The following SLC14A2 variants were observed in gnomAD, a reference collection of about 807,000 sequenced individuals.
SLC14A2 encodes the protein urea transporter 2.
SLC14A2 carries 91 observed loss-of-function variants against 104.6 expected under a neutral mutation model. That is an observed-to-expected ratio of 0.87 (90% CI 0.73 to 1.04). The LOEUF is 1.04. Among genes scored for constraint, SLC14A2 ranks in the 50% least tolerant of loss-of-function variants. SLC14A2 has a pLI of 0.00. For synonymous variants in SLC14A2, 476 were observed against 466.4 expected (o/e 1.02, Z -0.27); for missense variants, 1,189 against 1,156.0 (o/e 1.03, Z -0.41).
At chr18:45,225,545 G>T (rs1457598209) in intron 1 of SLC14A2, among the ~76,000 whole-genome samples, 14 of 152,110 alleles carry the variant, frequency 9.2e-5, no homozygotes, top group Non-Finnish European at 5.9e-5. Context: ...ATTGGTAGCT[G>T]GATGGGGATG....
chr18:45,518,776 A>C (rs1408463101), intron 2 of SLC14A2, among the ~76,000 whole-genome samples: 1 of 152,246 alleles, frequency 6.6e-6, no homozygotes, highest in Non-Finnish European at 1.5e-5. Context: ...TTAGAAAAAA[A>C]GAGCAGGAGG....
chr18:45,251,132 C>G (rs776285520), intron 1 of SLC14A2, among the ~76,000 whole-genome samples: 3 of 152,162 alleles, frequency 2.0e-5, no homozygotes. Flanking sequence ...ATCACCCAAG[C>G]AGTATACACT....
At chr18:45,413,974 G>A (rs1034441908) in intron 1 of SLC14A2, among the ~76,000 whole-genome samples, 1 of 152,048 alleles carries the variant, frequency 6.6e-6, no homozygotes, top group African/African-American at 2.4e-5. Context: ...AAAATCACGT[G>A]GAGGTCTATA....
chr18:45,334,492 G>T (rs1332019859), intron 1 of SLC14A2, among the ~76,000 whole-genome samples: 1 of 152,094 alleles, frequency 6.6e-6, no homozygotes, highest in East Asian at 1.9e-4. Context: ...ACCACCTGAA[G>T]AATAAGAAAG....
chr18:45,649,640 A>G (rs1318066277), intron 10 of SLC14A2, among the ~76,000 whole-genome samples: 2 of 152,232 alleles, frequency 1.3e-5, no homozygotes, highest in African/African-American at 4.8e-5. Flanking sequence ...GTAATATATG[A>G]GAGAATATGG....
At chr18:45,630,103 T>G (rs1415860311) in intron 4 of SLC14A2, among the ~76,000 whole-genome samples, 3 of 152,220 alleles carry the variant, frequency 2.0e-5, no homozygotes, top group African/African-American at 7.2e-5. Context: ...TTAATTTTTT[T>G]GATTCTTCTT....
intron 1 of SLC14A2, among the ~76,000 whole-genome samples, chr18:45,340,577 CA>C (rs1158460104): frequency 2.0e-5 from 3 of 152,170 alleles, no homozygotes; most frequent in African/African-American, 7.2e-5. Context: ...GTAAGTAATT[CA>C]AGGTATATTT....
chr18:45,540,925 T>A (rs1438879598), intron 2 of SLC14A2, among the ~76,000 whole-genome samples: 1 of 152,024 alleles, frequency 6.6e-6, no homozygotes, highest in Admixed American at 6.6e-5. Flanking sequence ...TCCATTGGGT[T>A]CCAACTCAGA....
the SLC14A2 span, among the ~76,000 whole-genome samples, chr18:45,206,752 G>A: frequency 6.6e-6 from 1 of 152,140 alleles, no homozygotes; most frequent in African/African-American, 2.4e-5. Flanking sequence ...CTGCAACTCA[G>A]GCCTCTGGAC....
chr18:45,365,982 A>G (rs2085661711), intron 1 of SLC14A2, among the ~76,000 whole-genome samples: 1 of 151,118 alleles, frequency 6.6e-6, no homozygotes, highest in Non-Finnish European at 1.5e-5. Flanking sequence ...ACCCAAGCAA[A>G]GCAAAAGGAC....
At chr18:45,212,691 C>T (rs2083971679), upstream of SLC14A2, among the ~76,000 whole-genome samples, 1 of 152,172 alleles carries the variant, frequency 6.6e-6, no homozygotes, top group African/African-American at 2.4e-5. Context: ...ACACTCACAA[C>T]CGCATAGGTA....
intron 1 of SLC14A2, among the ~76,000 whole-genome samples, chr18:45,285,481 A>G (rs2084804126): frequency 6.6e-6 from 1 of 152,060 alleles, no homozygotes. Context: ...GCAGTGGTGC[A>G]ATCTCGGCTC....
At chr18:45,182,906 A>G in the SLC14A2 span, among the ~76,000 whole-genome samples, 1 of 152,238 alleles carries the variant, frequency 6.6e-6, no homozygotes, top group Admixed American at 6.5e-5. Flanking sequence ...ATCTGGAAGA[A>G]TAAAGGCTAC....
intron 2 of SLC14A2, chr18:45,549,906 CAA>C (rs1568272093): frequency 6.6e-6 from 1 of 151,776 alleles, no homozygotes; most frequent in African/African-American, 2.4e-5. Flanking sequence ...AAAAATTGAC[CAA>C]AGTCATGAAG....
intron 1 of SLC14A2, among the ~76,000 whole-genome samples, chr18:45,261,904 A>C (rs994959602): frequency 6.6e-6 from 1 of 152,172 alleles, no homozygotes; most frequent in South Asian, 2.1e-4. Context: ...ATGATTTATA[A>C]TCCTTTGGGT....
chr18:45,489,751 C>A (rs1031486781), intron 2 of SLC14A2, among the ~76,000 whole-genome samples: 1 of 152,102 alleles, frequency 6.6e-6, no homozygotes, highest in Non-Finnish European at 1.5e-5. Context: ...GGAAGTTTGA[C>A]AGAAAGGAGT....
At chr18:45,339,541 T>C (rs1040752179) in intron 1 of SLC14A2, among the ~76,000 whole-genome samples, 8 of 152,248 alleles carry the variant, frequency 5.3e-5, no homozygotes, top group Non-Finnish European at 8.8e-5. Flanking sequence ...CTCTAGGGTA[T>C]AGATTAAAAT....
intron 1 of SLC14A2, among the ~76,000 whole-genome samples, chr18:45,347,527 G>T (rs560001208): frequency 1.1e-4 from 16 of 152,226 alleles, no homozygotes; most frequent in South Asian, 6.2e-4. Context: ...AATCTGCAGG[G>T]CCACCTCTGT....
At chr18:45,475,668 T>TAGG (rs1555693808) in intron 1 of SLC14A2, among the ~76,000 whole-genome samples, 1 of 111,696 alleles carries the variant, frequency 9.0e-6, no homozygotes, top group Non-Finnish European at 1.9e-5. Context: ...TATATATATA[T>TAGG]ATATATATAT....
Sources: allele counts gnomAD v4.1 joint callset (sites outside exome capture counted in the v4.1 genomes callset), GRCh38; gene constraint gnomAD v4.1.1; transcripts MANE v1.5; gene names NCBI Gene and HGNC (gene_info 2026-07-23, HGNC 2026-07-21).